The following HDAC9 variants were observed in gnomAD, a reference collection of about 807,000 sequenced individuals.
HDAC9 encodes MEF-2 interacting transcription repressor (MITR) protein.
HDAC9 carries 41 observed loss-of-function variants against 139.4 expected under a neutral mutation model. The observed-to-expected ratio is 0.29, with a 90% confidence interval of 0.23 to 0.38. The LOEUF is 0.38. HDAC9 is among the 10% of genes least tolerant of loss of function. HDAC9 has a pLI of 1.00. For synonymous variants in HDAC9, 517 were observed against 476.2 expected (o/e 1.09, Z -1.12); for missense variants, 1,147 against 1,297.0 (o/e 0.88, Z 1.78).
At chr7:18,108,949 C>T (rs1783422920) in intron 1 of HDAC9, among the ~76,000 whole-genome samples, 1 of 152,108 alleles carries the variant, frequency 6.6e-6, no homozygotes, top group African/African-American at 2.4e-5. Context: ...ATATGTTAGC[C>T]AGTCAAAAGC....
intron 12 of HDAC9, among the ~76,000 whole-genome samples, chr7:18,693,867 A>AC: frequency 6.6e-6 from 1 of 152,316 alleles, no homozygotes; most frequent in African/African-American, 2.4e-5. Flanking sequence ...AGGGGAGCTC[A>AC]TAACTGCTTT....
rs1447493913 is a variant in HDAC9, at chr7:18,115,774, C to G, written c.-97+28561C>G. Among the ~76,000 whole-genome samples, 3 of 152,194 alleles carry G rather than the reference C, an allele frequency of 2.0e-5. No homozygotes were observed. In the East Asian group the frequency reaches 5.8e-4, roughly 29 times the overall value. ...GCCAAAGATTTTATAGTCACTTAAT[C>G]TATTATTCATTAAAATCCTAGAAGC... is the stretch of plus-strand genomic sequence containing the variant. On this transcript the variant is annotated intron_variant, in intron 1 of 12. Transcript: ENST00000417496.
At chr7:18,235,009 G>A (rs1240017201) in intron 2 of HDAC9, among the ~76,000 whole-genome samples, 1 of 152,068 alleles carries the variant, frequency 6.6e-6, no homozygotes, top group Admixed American at 6.6e-5. Context: ...TGTGAAAAAA[G>A]CCCCTTTGGG....
intron 21 of HDAC9, among the ~76,000 whole-genome samples, chr7:18,870,891 A>T (rs1182022645): frequency 5.3e-5 from 8 of 152,092 alleles, no homozygotes; most frequent in Non-Finnish European, 1.0e-4. Flanking sequence ...TGGAACCCCT[A>T]GGCTCAAGCA....
chr7:18,313,166 A>G (rs531924259), intron 1 of HDAC9, among the ~76,000 whole-genome samples: 142 of 152,244 alleles, frequency 9.3e-4, no homozygotes, highest in Middle Eastern at 3.4e-3. Flanking sequence ...ATGAATTCTA[A>G]GAATATTTTA....
intron 22 of HDAC9, among the ~76,000 whole-genome samples, chr7:18,884,271 G>A (rs529937281): frequency 2.0e-5 from 3 of 152,262 alleles, no homozygotes; most frequent in Non-Finnish European, 1.5e-5. Context: ...CAAAGCTGGA[G>A]GTACCATACT....
intron 1 of HDAC9, among the ~76,000 whole-genome samples, chr7:18,311,958 C>A (rs145826592): frequency 6.6e-6 from 1 of 152,142 alleles, no homozygotes; most frequent in Non-Finnish European, 1.5e-5. Context: ...CCTCTTGGCA[C>A]TACCACGGGA....
At chr7:18,253,646 C>T (rs1048970413) in intron 2 of HDAC9, among the ~76,000 whole-genome samples, 7 of 152,296 alleles carry the variant, frequency 4.6e-5, no homozygotes, top group Admixed American at 2.6e-4. Context: ...GATTATTTCT[C>T]ACCATGTCAC....
chr7:18,154,479 A>G (rs962385797), intron 1 of HDAC9, among the ~76,000 whole-genome samples: 1 of 152,204 alleles, frequency 6.6e-6, no homozygotes, highest in Admixed American at 6.5e-5. Context: ...AATTTCTGTA[A>G]TGATAATAAC....
At chr7:18,389,774 G>A (rs1199123323) in intron 1 of HDAC9, among the ~76,000 whole-genome samples, 1 of 152,128 alleles carries the variant, frequency 6.6e-6, no homozygotes, top group Non-Finnish European at 1.5e-5. Flanking sequence ...AAAAGGAACT[G>A]TGAACTAATC....
intron 1 of HDAC9, among the ~76,000 whole-genome samples, chr7:18,462,446 A>G (rs570168567): frequency 6.6e-6 from 1 of 152,086 alleles, no homozygotes; most frequent in African/African-American, 2.4e-5. Context: ...CAATGAACAT[A>G]TTCTAGTTCT....
chr7:18,597,076 CA>C (rs1262858607), intron 6 of HDAC9, among the ~76,000 whole-genome samples: 1 of 152,082 alleles, frequency 6.6e-6, no homozygotes, highest in Non-Finnish European at 1.5e-5. Flanking sequence ...CTTTGTCACG[CA>C]AAGTGGACCT....
chr7:18,385,347 A>AT (rs1408297679), intron 1 of HDAC9, among the ~76,000 whole-genome samples: 2 of 152,028 alleles, frequency 1.3e-5, no homozygotes, highest in Non-Finnish European at 2.9e-5. Flanking sequence ...AAATCATATC[A>AT]TTTTCCTTTG....
intron 23 of HDAC9, among the ~76,000 whole-genome samples, chr7:18,941,431 T>C (rs1438617812): frequency 6.6e-6 from 1 of 152,186 alleles, no homozygotes; most frequent in African/African-American, 2.4e-5. Flanking sequence ...TAGTAAGTGT[T>C]GACAACCACC....
chr7:18,273,635 G>C (rs1796529948), intron 2 of HDAC9, among the ~76,000 whole-genome samples: 1 of 152,098 alleles, frequency 6.6e-6, no homozygotes, highest in Non-Finnish European at 1.5e-5. Flanking sequence ...GTGTGATATA[G>C]GGAAGGACAG....
chr7:18,787,982 T>C (rs1471306961), intron 16 of HDAC9, among the ~76,000 whole-genome samples: 1 of 152,178 alleles, frequency 6.6e-6, no homozygotes, highest in African/African-American at 2.4e-5. Context: ...AGATTCCTCT[T>C]TGAAGATGGC....
chr7:18,905,651 G>A (rs991698060), intron 22 of HDAC9, among the ~76,000 whole-genome samples: 1 of 152,284 alleles, frequency 6.6e-6, no homozygotes, highest in African/African-American at 2.4e-5. Flanking sequence ...AAGTTTTTGT[G>A]TATGAAAGCA....
At chr7:18,300,722 G>A (rs1387797709) in intron 1 of HDAC9, among the ~76,000 whole-genome samples, 2 of 151,944 alleles carry the variant, frequency 1.3e-5, no homozygotes, top group African/African-American at 2.4e-5. Context: ...CACATAAACA[G>A]ACCGGTTATA....
intron 14 of HDAC9, 137 bp downstream of exon 14, chr7:18,749,275 G>A (rs1034615791): frequency 2.3e-5 from 22 of 957,662 alleles, no homozygotes; most frequent in Non-Finnish European, 2.8e-5. Flanking sequence ...ATAGATTCAG[G>A]TAGCACAGAG....
Sources: allele counts gnomAD v4.1 joint callset (sites outside exome capture counted in the v4.1 genomes callset), GRCh38; gene constraint gnomAD v4.1.1; transcripts MANE v1.5; gene names NCBI Gene and HGNC (gene_info 2026-07-23, HGNC 2026-07-21).